The following PCDHGA8 variants were observed in gnomAD, a reference collection of about 807,000 sequenced individuals.
PCDHGA8 encodes the protein protocadherin gamma-A8.
PCDHGA8 carries 45 observed loss-of-function variants against 59.2 expected under a neutral mutation model. The ratio of observed to expected loss-of-function variants is 0.76; its 90% CI spans 0.60 to 0.98. PCDHGA8 has a LOEUF of 0.98. Ranked by LOEUF, PCDHGA8 falls within the 50% of genes least tolerant of loss-of-function variation. The pLI is 0.00. For synonymous variants in PCDHGA8, 531 were observed against 519.0 expected (o/e 1.02, Z -0.32); for missense variants, 1,257 against 1,196.2 (o/e 1.05, Z -0.75).
At chr5:141,414,763 C>G in intron 1 of PCDHGA8, 1 of 1,614,258 alleles carries the variant, frequency 6.2e-7, no homozygotes, top group South Asian at 1.1e-5. Flanking sequence ...TGAGCAGTTT[C>G]ATGAGCTACA....
intron 1 of PCDHGA8, chr5:141,479,399 T>C (rs2099494765): frequency 6.6e-6 from 1 of 152,576 alleles, no homozygotes; most frequent in African/African-American, 2.4e-5. Flanking sequence ...AGTTCTGGGC[T>C]GTGGTGCACT....
At position 141,415,266 on chromosome 5, in the gene PCDHGA8, G is replaced by C. The variant is rs371754316; in HGVS notation, c.2424+20029G>C. 49 of 1,614,100 alleles carry C rather than the reference G, an allele frequency of 3.0e-5. No individual in the cohort carries two copies. The African/African-American group carries it at 6.4e-4, about 21-fold the overall frequency. On this transcript the variant is annotated intron_variant, in intron 1 of 3. Transcript: ENST00000398604. ...AAACCTCAGACCTCACTCTGTACCT[G>C]GTGGTAGCGGTGGCCGCGGTCTCCT...
Position 141,432,617 on chromosome 5 carries a change from G to T in PCDHGA8, c.2424+37380G>T, listed in dbSNP as rs2097521313. The T allele has an allele frequency of 6.2e-7, 1 of 1,613,578 alleles. No homozygotes were observed. The highest frequency in any genetic ancestry group is 1.3e-5 in the African/African-American group (1 of 74,842). On this transcript the variant is annotated intron_variant, in intron 1 of 3. Coordinates refer to ENST00000398604, the MANE Select transcript of PCDHGA8 (RefSeq NM_032088.2). This position sits in a 1 kb window ranked among gnomAD's most constrained non-coding sequence, Gnocchi z 6.0. ...CAGCGAGCCGGGACTCTTCTCGGTGGGTCTGCACACGGGCGAGGTGCGCAC... is the reference window on the plus strand; with the variant it reads ...CAGCGAGCCGGGACTCTTCTCGGTGTGTCTGCACACGGGCGAGGTGCGCAC...
At chr5:141,462,540 T>G (rs2099042148) in intron 1 of PCDHGA8, among the ~76,000 whole-genome samples, 2 of 152,204 alleles carry the variant, frequency 1.3e-5, no homozygotes, top group Non-Finnish European at 2.9e-5. Flanking sequence ...TCAGTGATCT[T>G]TTCTTCTTCA....
At position 141,454,796 on chromosome 5, in the gene PCDHGA8, ATTT is replaced by A. The variant is rs61612330; in HGVS notation, c.2425-39984_2425-39982del. On this transcript the variant is annotated intron_variant, in intron 1 of 3. Coordinates refer to ENST00000398604, the MANE Select transcript of PCDHGA8 (RefSeq NM_032088.2). ...AAGGAAATAATCCTCCATGGTTCTA[ATTT>A]TTTTTTTTTTTTTTTTTTTTTTTTT... is the stretch of plus-strand genomic sequence containing the variant. 8.4e-3 allele frequency among the ~76,000 whole-genome samples: 651 copies of A among 77,268 alleles called. 2 individuals are homozygous for A. Among genetic ancestry groups the A allele is most frequent in the African/African-American group, 0.012 (206 of 16,834 alleles). The allele number at this position is 77,268 out of a possible 152,430, so 50.7% of individuals were successfully genotyped here. A position where few individuals can be genotyped will look rare whatever the true frequency, so the allele number is the denominator to read the frequency against.
intron 1 of PCDHGA8, chr5:141,407,971 G>T (rs1399304138): frequency 2.8e-6 from 2 of 717,762 alleles, no homozygotes; most frequent in Non-Finnish European, 4.3e-6. Context: ...AAGCGCTGAC[G>T]CCGGGGATCC....
chr5:141,448,956 C>A (rs2098619571), intron 1 of PCDHGA8, among the ~76,000 whole-genome samples: 1 of 151,948 alleles, frequency 6.6e-6, no homozygotes, highest in Non-Finnish European at 1.5e-5. Context: ...AAAAAACAAA[C>A]AAACAAACAA....
rs758266181 is a variant in PCDHGA8 at position 141,476,561 on chromosome 5, G to A, written c.2425-18246G>A. 1.9e-6 allele frequency: 3 copies of A among 1,614,100 alleles called. No homozygotes were observed. The highest frequency in any genetic ancestry group is 2.5e-6 in the Non-Finnish European group (3 of 1,180,050). Reference sequence around the variant, plus strand: ...GAAATTGGAGATTAGCGAGGCCGTGGCTCCGGGGACGCGCTTTCCGCTCGA... The same window carrying A: ...GAAATTGGAGATTAGCGAGGCCGTGACTCCGGGGACGCGCTTTCCGCTCGA... On this transcript the variant is annotated intron_variant, in intron 1 of 3. Coordinates refer to ENST00000398604, the MANE Select transcript of PCDHGA8 (RefSeq NM_032088.2). This position sits in a 1 kb window ranked among gnomAD's most constrained non-coding sequence, Gnocchi z 7.6.
intron 1 of PCDHGA8, among the ~76,000 whole-genome samples, chr5:141,405,997 C>T (rs1589599248): frequency 6.6e-6 from 1 of 151,926 alleles, no homozygotes; most frequent in Non-Finnish European, 1.5e-5. Context: ...TAGCTCTCAG[C>T]CTGCATTGAT....
chr5:141,400,102 G>A (rs376189143), intron 1 of PCDHGA8: 2 of 1,614,084 alleles, frequency 1.2e-6, no homozygotes, highest in Non-Finnish European at 1.7e-6. Context: ...GCTGCACTTG[G>A]TCTTTGCTGA....
intron 1 of PCDHGA8, among the ~76,000 whole-genome samples, chr5:141,473,873 C>CA (rs1471085914): frequency 2.6e-5 from 4 of 152,130 alleles, no homozygotes; most frequent in African/African-American, 7.2e-5. Flanking sequence ...GTGGAGAATG[C>CA]ATACACAAGG....
chr5:141,469,155 A>C (rs1342352040), intron 1 of PCDHGA8, among the ~76,000 whole-genome samples: 3 of 152,108 alleles, frequency 2.0e-5, no homozygotes, highest in Admixed American at 1.3e-4. Context: ...ACATGTCTGT[A>C]GTCCCAGCTA....
rs1282403944 is a variant in PCDHGA8 at position 141,485,452 on chromosome 5, G to A, written c.2425-9355G>A. ...TCATCAAGAACCCAATCGACCGAGA[G>A]GCACTGTGTGGGCTCAGTGCCAGCT... On this transcript the variant is annotated intron_variant, in intron 1 of 3. Transcript: ENST00000398604. The surrounding 1 kb of genome is among the most constrained non-coding windows in gnomAD (Gnocchi z 5.7). 2.5e-6 allele frequency: 4 copies of A among 1,614,054 alleles called. No individual in the cohort carries two copies. Among genetic ancestry groups the A allele is most frequent in the East Asian group, 4.5e-5 (2 of 44,884 alleles).
chr5:141,411,910 C>T (rs1248743908), intron 1 of PCDHGA8: 2 of 152,164 alleles, frequency 1.3e-5, no homozygotes, highest in East Asian at 1.9e-4. Context: ...TGCCTTTGCA[C>T]TCAGTCTCTG....
intron 2 of PCDHGA8, among the ~76,000 whole-genome samples, chr5:141,504,128 G>A (rs914138294): frequency 2.6e-5 from 4 of 151,992 alleles, no homozygotes; most frequent in African/African-American, 9.7e-5. Context: ...GCTGTTTCCC[G>A]CCAACACTCC....
chr5:141,504,546 G>A (rs911626023), intron 2 of PCDHGA8, among the ~76,000 whole-genome samples: 5 of 151,802 alleles, frequency 3.3e-5, no homozygotes, highest in African/African-American at 1.2e-4. Flanking sequence ...CATGGCAAAT[G>A]TTGGGGGACT....
At position 141,485,272 on chromosome 5, in the gene PCDHGA8, C is replaced by T. The variant is rs764196730; in HGVS notation, c.2425-9535C>T. The T allele has an allele frequency of 1.9e-6, 3 of 1,613,948 alleles. No homozygotes were observed. The highest frequency in any genetic ancestry group is 2.7e-5 in the African/African-American group (2 of 74,932). On this transcript the variant is annotated intron_variant, in intron 1 of 3. Transcript: ENST00000398604. The surrounding 1 kb of genome is among the most constrained non-coding windows in gnomAD (Gnocchi z 5.7). ...GTTACGTTTGTGGGCAGATCCGCTACCCGGTCCCAGAGGAGTCACAGGAAG... is the reference window on the plus strand; with the variant it reads ...GTTACGTTTGTGGGCAGATCCGCTATCCGGTCCCAGAGGAGTCACAGGAAG...
intron 1 of PCDHGA8, chr5:141,419,981 AT>A (rs1205154474): frequency 1.2e-6 from 2 of 1,614,052 alleles, no homozygotes; most frequent in Admixed American, 3.3e-5. Flanking sequence ...CCTCGCGGTG[AT>A]TCTAGCTATT....
intron 1 of PCDHGA8, chr5:141,421,419 A>T (rs778839137): frequency 1.2e-6 from 2 of 1,614,072 alleles, no homozygotes; most frequent in Non-Finnish European, 1.7e-6. Context: ...CGAAGCGCGG[A>T]GTCCGCATCG....
Sources: gnomAD v4.1 joint callset for allele counts (sites outside exome capture counted in the v4.1 genomes callset) on GRCh38, gnomAD v4.1.1 for gene constraint, Gnocchi (gnomAD v3.1) non-coding constraint, MANE v1.5 for transcripts, NCBI Gene and HGNC (gene_info 2026-07-23, HGNC 2026-07-21) for gene names.